FAM149A: variants seen among roughly 807,000 people sequenced by gnomAD.
FAM149A encodes the protein protein FAM149A.
FAM149A carries 71 observed loss-of-function variants against 78.2 expected under a neutral mutation model. The ratio of observed to expected loss-of-function variants is 0.91; its 90% confidence interval spans 0.75 to 1.11. The LOEUF is 1.11. FAM149A is among the 50% of genes least tolerant of loss of function. The probability of loss-of-function intolerance (pLI) is 0.00; values close to 1 mark genes in which losing one functional copy is unlikely to be tolerated. For synonymous variants in FAM149A, 446 were observed against 410.5 expected, an observed-to-expected ratio of 1.09 and a Z score of -1.04; for missense variants, 1,036 against 971.0, an observed-to-expected ratio of 1.07 and a Z score of -0.89.
intron 1 of FAM149A, among the ~76,000 whole-genome samples, chr4:186,110,665 A>G (rs1266186929): frequency 7.6e-6 from 1 of 132,398 alleles, no homozygotes; most frequent in Non-Finnish European, 1.6e-5. Flanking sequence ...TGTTCTTGCG[A>G]TAGTTTACTG....
intron 1 of FAM149A, chr4:186,146,843 A>C (rs1285014842): frequency 1.1e-5 from 11 of 985,316 alleles, no homozygotes; most frequent in Non-Finnish European, 1.3e-5. Context: ...CATTCAGAGT[A>C]ATTCTGTAGT....
Position 186,154,521 on chromosome 4 carries a change from T to G in FAM149A, c.1112T>G (p.Leu371Arg), listed in dbSNP as rs1461952710. 6.2e-7 allele frequency: 1 copy of G among 1,614,152 alleles called. No individual in the cohort carries two copies. The highest frequency in any genetic ancestry group is 8.5e-7 in the Non-Finnish European group (1 of 1,180,004). ...CCAGCAGCACTCTCAGCCTCTGCCC[T>G]GCCAGGCCCTGATGACACAGGGGTT... is the stretch of plus-strand genomic sequence containing the variant. Residue 371 changes from leucine to arginine, a missense_variant, in exon 6 of 14, where the codon CTG becomes CGG. This residue lies in a region of FAM149A where 716 missense variants were observed against 711.8 expected (regional missense o/e 1.01). Coordinates refer to ENST00000389354, the MANE Select transcript of FAM149A (RefSeq NM_001367768.3).
rs1330106594 is a variant in FAM149A at position 186,152,065 on chromosome 4, A to G, written c.932+20A>G. Reference sequence around the variant, plus strand: ...TTTGAGGTGGGACCTTGGTGGTGGAAGTTCTCTGGGGTGGGTTTTCCAAGC... The same window carrying G: ...TTTGAGGTGGGACCTTGGTGGTGGAGGTTCTCTGGGGTGGGTTTTCCAAGC... On this transcript the variant is annotated intron_variant, in intron 4 of 13. Coordinates refer to ENST00000389354, the MANE Select transcript of FAM149A (RefSeq NM_001367768.3). 6.2e-7 allele frequency: 1 copy of G among 1,612,570 alleles called. No individual in the cohort carries two copies. The highest frequency in any genetic ancestry group is 8.5e-7 in the Non-Finnish European group (1 of 1,179,810).
chr4:186,147,998 G>A (rs536782266), intron 1 of FAM149A, among the ~76,000 whole-genome samples: 15 of 152,232 alleles, frequency 9.9e-5, no homozygotes, highest in African/African-American at 2.6e-4. Flanking sequence ...AGATGTTCTC[G>A]CCAATCTGTA....
intron 3 of FAM149A, among the ~76,000 whole-genome samples, chr4:186,150,408 T>A (rs1454940082): frequency 1.4e-5 from 2 of 141,332 alleles, no homozygotes; most frequent in Non-Finnish European, 3.1e-5. Context: ...TCTCTCTCTC[T>A]GTCTCTTTTT....
chr4:186,161,106 T>A (rs1171706672), intron 8 of FAM149A, among the ~76,000 whole-genome samples: 2 of 152,244 alleles, frequency 1.3e-5, no homozygotes, highest in African/African-American at 2.4e-5. Flanking sequence ...TGTAATTTTT[T>A]AATTAGATGT....
intron 3 of FAM149A, 115 bp downstream of exon 3, chr4:186,149,819 A>G (rs2126455839): frequency 1.9e-6 from 1 of 534,952 alleles, no homozygotes; most frequent in South Asian, 2.2e-5. Flanking sequence ...TTGCATACAT[A>G]CATGTACATA....
intron 1 of FAM149A, among the ~76,000 whole-genome samples, chr4:186,135,923 C>G (rs2099322495): frequency 6.6e-6 from 1 of 152,204 alleles, no homozygotes; most frequent in East Asian, 1.9e-4. Context: ...TGTCATTGTT[C>G]TGCACATGTG....
intron 13 of FAM149A, among the ~76,000 whole-genome samples, chr4:186,168,459 G>A (rs1171407643): frequency 2.0e-5 from 3 of 152,152 alleles, no homozygotes; most frequent in Non-Finnish European, 4.4e-5. Flanking sequence ...AGGTTCAAGC[G>A]ATTCTGCTGC....
chr4:186,144,723 C>CT lies in FAM149A; in HGVS notation c.567-4450_567-4449insT, dbSNP rs1260198403. 1.0e-5 allele frequency: 2 copies of CT among 198,890 alleles called. No homozygotes were observed. Among genetic ancestry groups the CT allele is most frequent in the Admixed American group, 1.4e-3 (1 of 722 alleles). The allele number at this position is 198,890 out of a possible 1,614,324, so 12.3% of individuals were successfully genotyped here. On this transcript the variant is annotated intron_variant, in intron 1 of 13. Transcript: ENST00000389354. The surrounding 1 kb of genome is among the most constrained non-coding windows in gnomAD (Gnocchi z 4.2). Reference sequence around the variant, plus strand: ...AGGCGCGCTTTCCCGGAGGTCGGCGCGGGGCCGGGGCCGGGGCCGGGGCCC... The same window carrying CT: ...AGGCGCGCTTTCCCGGAGGTCGGCGCTGGGGCCGGGGCCGGGGCCGGGGCCC...
At chr4:186,154,878 T>G in intron 6 of FAM149A, 2 of 985,334 alleles carry the variant, frequency 2.0e-6, no homozygotes, top group Non-Finnish European at 2.4e-6. Flanking sequence ...CTCGCAGCCC[T>G]GGTCCTGGGG....
chr4:186,109,288 T>A, intron 1 of FAM149A: 1 of 807,874 alleles, frequency 1.2e-6, no homozygotes, highest in Non-Finnish European at 1.5e-6. Flanking sequence ...TAAGTCATAG[T>A]TATTAGCAAG....
At chr4:186,150,259 C>G (rs1481320608) in intron 3 of FAM149A, among the ~76,000 whole-genome samples, 1 of 151,944 alleles carries the variant, frequency 6.6e-6, no homozygotes, top group African/African-American at 2.4e-5. Context: ...CCCCCTCCCT[C>G]CAAGGGTCTC....
intron 10 of FAM149A, among the ~76,000 whole-genome samples, chr4:186,165,035 G>A (rs951194563): frequency 3.9e-5 from 6 of 151,936 alleles, no homozygotes; most frequent in Admixed American, 1.3e-4. Context: ...TGTGTCCCCC[G>A]GCTTCTCACC....
In FAM149A at chr4:186,144,754, G is replaced by C. The variant is rs1156685612; in HGVS notation, c.567-4419G>C. On this transcript the variant is annotated intron_variant, in intron 1 of 13. Transcript: ENST00000389354. This position sits in a 1 kb window ranked among gnomAD's most constrained non-coding sequence, Gnocchi z 4.2. ...CGGGGCCGGGGCCGGGGCCCGGAGC[G>C]GGGATGGGCGGGCGCAGCCGGGATT... 1.5e-5 allele frequency: 14 copies of C among 912,898 alleles called. No homozygotes were observed. The highest frequency in any genetic ancestry group is 1.7e-5 in the Non-Finnish European group (13 of 767,554). The allele number at this position is 912,898 out of a possible 1,614,324, so 56.5% of individuals were successfully genotyped here.
At chr4:186,155,907 T>G in intron 6 of FAM149A, 93 bp from the exon 7 acceptor site, 1 of 907,462 alleles carries the variant, frequency 1.1e-6, no homozygotes. Flanking sequence ...TATTAATATA[T>G]GTATACATGT....
In FAM149A at chr4:186,105,597, T is replaced by G; in HGVS notation, c.521T>G (p.Ile174Ser). Residue 174 changes from isoleucine (I) to serine (S), a missense_variant, in exon 1 of 14, where the codon ATC becomes AGC. Physicochemically the swap from Ile to Ser is moderately radical, Grantham distance 142. Around this residue, in one of 3 missense-constraint regions of FAM149A, gnomAD observed 316 missense variants for 241.9 expected, o/e 1.31. Coordinates refer to ENST00000389354, the MANE Select transcript of FAM149A (RefSeq NM_001367768.3). ...ACCCTGTTCCTTACGCTGCCTGACA[T>G]CGGCGAGGAGGGGGCCTCGGACGGC... 1 of 1,053,020 alleles carries G rather than the reference T, an allele frequency of 9.5e-7. No homozygotes were observed. The highest frequency in any genetic ancestry group is 2.5e-5 in the South Asian group (1 of 39,334). The allele number at this position is 1,053,020 out of a possible 1,614,324, so 65.2% of individuals were successfully genotyped here. A position where few individuals can be genotyped will look rare whatever the true frequency, so the allele number is the denominator to read the frequency against.
intron 8 of FAM149A, chr4:186,157,995 A>T: frequency 6.7e-7 from 1 of 1,485,812 alleles, no homozygotes; most frequent in Non-Finnish European, 9.0e-7. Context: ...TGGCTTCCAG[A>T]TGGAGCAGTA....
At chr4:186,117,664 A>C in intron 1 of FAM149A, 1 of 984,702 alleles carries the variant, frequency 1.0e-6, no homozygotes, top group East Asian at 1.1e-4. Context: ...AAAGCGTTAA[A>C]ACTAGGGAGA....
Sources: allele counts gnomAD v4.1 joint callset (sites outside exome capture counted in the v4.1 genomes callset), GRCh38; gene constraint gnomAD v4.1.1; regional missense constraint gnomAD v4.1.1; non-coding constraint Gnocchi (gnomAD v3.1); transcripts MANE v1.5; gene names NCBI Gene and HGNC (gene_info 2026-07-23, HGNC 2026-07-21).